Variants in WDR53 observed in about 807,000 individuals in gnomAD.
WDR53 encodes WD repeat domain 53.
WDR53 carries 19 observed loss-of-function variants against 21.3 expected under a neutral mutation model. The observed-to-expected ratio is 0.89, with a 90% CI of 0.62 to 1.31. The LOEUF is 1.31. Among genes scored for constraint, WDR53 ranks in the 50% most tolerant of loss-of-function variants. WDR53 has a pLI of 0.00. For synonymous variants in WDR53, 157 were observed against 163.4 expected, an observed-to-expected ratio of 0.96 and a Z score of 0.30; for missense variants, 374 against 423.2, an observed-to-expected ratio of 0.88 and a Z score of 1.02.
At chr3:196,561,970 T>A (rs1186591117) in intron 2 of WDR53, among the ~76,000 whole-genome samples, 1 of 152,188 alleles carries the variant, frequency 6.6e-6, no homozygotes, top group Non-Finnish European at 1.5e-5. Context: ...AAAATGAGGA[T>A]AATAATGACA....
chr3:196,564,510 C>T (rs1735196501), intron 2 of WDR53, among the ~76,000 whole-genome samples: 1 of 150,962 alleles, frequency 6.6e-6, no homozygotes, highest in Admixed American at 6.6e-5. Flanking sequence ...CAGGCTCTCA[C>T]CACCAAACCC....
At position 196,558,447 on chromosome 3, in the gene WDR53, T is replaced by G. The variant is rs757461554; in HGVS notation, c.480+2549A>C. On this transcript the variant is annotated intron_variant, in intron 3 of 3. Transcript: ENST00000332629. ...GTCTCGAACTCCTGGGCTCAAGTGA[T>G]CTGCCTGCCTTGGCCTCCCAAAGTG... Among the ~76,000 whole-genome samples, 6 of 152,228 alleles carry G rather than the reference T, an allele frequency of 3.9e-5. 1 individual carries two copies. The highest frequency in any genetic ancestry group is 7.3e-5 in the Non-Finnish European group (5 of 68,040).
chr3:196,554,955 T>C lies in WDR53; in HGVS notation c.481-148A>G, dbSNP rs906918280. The C allele has an allele frequency of 4.4e-5, 29 of 653,968 alleles. No individual in the cohort carries two copies. The East Asian group carries it at 7.3e-4, about 16-fold the overall frequency. 40.5% of individuals were successfully genotyped at this position (653,968 alleles called of 1,614,324 possible). A position where few individuals can be genotyped will look rare whatever the true frequency, so the allele number is the denominator to read the frequency against. ...TCAGCAGTATTAAAAAATAATCAAA[T>C]GCTGCCATAACATGCCAGTGGAATG... On this transcript the variant is annotated intron_variant, in intron 3 of 3. Transcript: ENST00000332629.
intron 2 of WDR53, 124 bp from the exon 3 acceptor site, chr3:196,561,615 A>C: frequency 9.8e-7 from 1 of 1,018,810 alleles, no homozygotes; most frequent in Non-Finnish European, 1.3e-6. Flanking sequence ...AAAAAAACTC[A>C]ATTAATTAAA....
chr3:196,567,647 AATG>A (rs113384587), intron 1 of WDR53, among the ~76,000 whole-genome samples: 2,042 of 152,226 alleles, frequency 0.013, 32 homozygotes, highest in African/African-American at 0.047. Flanking sequence ...CCGTGGCTCA[AATG>A]ATGGTTATTA....
intron 2 of WDR53, among the ~76,000 whole-genome samples, chr3:196,564,196 C>T (rs946373868): frequency 3.3e-5 from 5 of 151,812 alleles, no homozygotes; most frequent in African/African-American, 7.3e-5. Context: ...GTAAATATGC[C>T]GTAACGAAGA....
At chr3:196,558,387 G>A (rs965101771) in intron 3 of WDR53, among the ~76,000 whole-genome samples, 2 of 151,360 alleles carry the variant, frequency 1.3e-5, no homozygotes, top group African/African-American at 2.4e-5. Flanking sequence ...TCGTATTTTC[G>A]GTAGAGATAG....
intron 3 of WDR53, 110 bp downstream of exon 3, chr3:196,560,884 GAT>G (rs767151512): frequency 5.3e-6 from 7 of 1,319,762 alleles, no homozygotes; most frequent in African/African-American, 2.9e-5. Flanking sequence ...TTCATAAATG[GAT>G]ATGTTAGTAG....
chr3:196,554,278 C>T lies in WDR53; in HGVS notation c.1010G>A (p.Gly337Glu), dbSNP rs1734104203. Reference protein sequence around the residue: ...VNWLLGTKIKGHQNILVADQT... With the variant: ...VNWLLGTKIKEHQNILVADQT... Reference sequence around the variant, plus strand: ...ATCAGCTACTAATATATTTTGGTGTCCCTTTATTTTTGTACCCAAGAGCCA... The same window carrying T: ...ATCAGCTACTAATATATTTTGGTGTTCCTTTATTTTTGTACCCAAGAGCCA... The change falls in exon 4 of 4, where the codon GGA becomes GAA. Residue 337 changes from glycine to glutamate, a missense_variant. Coordinates refer to ENST00000332629, the MANE Select transcript of WDR53 (RefSeq NM_182627.3). The T allele has an allele frequency of 2.5e-6, 4 of 1,613,766 alleles. No homozygotes were observed. Among genetic ancestry groups the T allele is most frequent in the East Asian group, 4.5e-5 (2 of 44,884 alleles).
chr3:196,565,790 G>GA (rs1735332196), intron 2 of WDR53, among the ~76,000 whole-genome samples: 2 of 152,210 alleles, frequency 1.3e-5, no homozygotes, highest in South Asian at 4.1e-4. Context: ...AGGGTAGTGG[G>GA]AAAAAATGTA....
chr3:196,561,432 C>A lies in WDR53; in HGVS notation c.44G>T (p.Cys15Phe). 6.2e-7 allele frequency: 1 copy of A among 1,614,028 alleles called. No individual in the cohort carries two copies. The highest frequency in any genetic ancestry group is 8.5e-7 in the Non-Finnish European group (1 of 1,180,010). ...WTGGHSSPVL[C>F]LNASKEGLLA... ...CAGCCCTTCTTTACTTGCATTCAGG[C>A]AGAGGACAGGAGAAGAATGCCCACC... Residue 15 changes from cysteine to phenylalanine, a missense_variant, in exon 3 of 4, where the codon TGC (cysteine) becomes TTC (phenylalanine). Coordinates refer to ENST00000332629, the MANE Select transcript of WDR53 (RefSeq NM_182627.3).
chr3:196,556,385 G>A (rs1260801573), intron 3 of WDR53, among the ~76,000 whole-genome samples: 2 of 152,022 alleles, frequency 1.3e-5, no homozygotes, highest in South Asian at 2.1e-4. Context: ...GGCTGGGCAC[G>A]GTGGCTCACA....
chr3:196,561,042 C>T lies in WDR53; in HGVS notation c.434G>A (p.Arg145Gln), dbSNP rs868502354. ...HSNICSSVAF[R>Q]PQRPQSLVSC... ...CACCAGGCTCTGAGGCCTCTGAGGCCGAAAAGCCACTGAGGAGCAGATATT... is the reference window on the plus strand; with the variant it reads ...CACCAGGCTCTGAGGCCTCTGAGGCTGAAAAGCCACTGAGGAGCAGATATT... The change falls in exon 3 of 4, where the codon CGG becomes CAG. Residue 145 changes from arginine to glutamine, a missense_variant. Physicochemically the swap from Arg to Gln is conservative, Grantham distance 43. Coordinates refer to ENST00000332629, the MANE Select transcript of WDR53 (RefSeq NM_182627.3). 1.3e-5 allele frequency: 21 copies of T among 1,614,006 alleles called. No homozygotes were observed. The highest frequency in any genetic ancestry group is 6.6e-5 in the South Asian group (6 of 91,054).
chr3:196,560,265 C>A (rs1278530003), intron 3 of WDR53, among the ~76,000 whole-genome samples: 7 of 143,096 alleles, frequency 4.9e-5, no homozygotes, highest in African/African-American at 1.8e-4. Flanking sequence ...TTTTTTGAGA[C>A]AGAGTCTCAC....
At position 196,556,202 on chromosome 3, in the gene WDR53, C is replaced by T. The variant is rs545686719; in HGVS notation, c.481-1395G>A. Reference sequence around the variant, plus strand: ...ATGGGACTACAGGCGCATGCTACCACACCCAGCTAATTTTTGTATTTTTTT... The same window carrying T: ...ATGGGACTACAGGCGCATGCTACCATACCCAGCTAATTTTTGTATTTTTTT... On this transcript the variant is annotated intron_variant, in intron 3 of 3. Coordinates refer to ENST00000332629, the MANE Select transcript of WDR53 (RefSeq NM_182627.3). 3.9e-5 allele frequency among the ~76,000 whole-genome samples: 6 copies of T among 152,124 alleles called. No individual in the cohort carries two copies. In the South Asian group the frequency reaches 1.0e-3, roughly 26 times the overall value.
chr3:196,554,545 C>T lies in WDR53; in HGVS notation c.743G>A (p.Cys248Tyr), dbSNP rs1239929196. Residue 248 changes from cysteine to tyrosine, a missense_variant, in exon 4 of 4, where the codon TGC becomes TAC. Coordinates refer to ENST00000332629, the MANE Select transcript of WDR53 (RefSeq NM_182627.3). ...KGHTSGVSQV[C>Y]FLPESYLLLT... is the part of the protein sequence containing the mutation. ...CAGCAAATAGGATTCTGGGAGAAAG[C>T]AGACCTGGGATACCCCTGAAGTGTG... The T allele has an allele frequency of 6.2e-7, 1 of 1,614,130 alleles. No homozygotes were observed. The highest frequency in any genetic ancestry group is 1.7e-5 in the Admixed American group (1 of 60,012).
rs370933008 is a variant in WDR53 at position 196,561,118 on chromosome 3, T to C, written c.358A>G (p.Ile120Val). ...ASADDSGAIK[I>V]LDLENKKVIR... is the part of the protein sequence containing the mutation. ...ACTTTCTTGTTTTCCAAGTCTAGGA[T>C]TTTGATTGCCCCAGAGTCGTCAGCA... Residue 120 changes from isoleucine to valine, a missense_variant, in exon 3 of 4, where the codon ATC (isoleucine) becomes GTC (valine). Physicochemically the swap from Ile to Val is conservative, Grantham distance 29. Transcript: ENST00000332629. 5 of 1,614,216 alleles carry C rather than the reference T, an allele frequency of 3.1e-6. No homozygotes were observed. The highest frequency in any genetic ancestry group is 4.2e-6 in the Non-Finnish European group (5 of 1,180,046).
chr3:196,567,617 T>A (rs774762750), intron 1 of WDR53, among the ~76,000 whole-genome samples: 10 of 152,220 alleles, frequency 6.6e-5, no homozygotes, highest in Non-Finnish European at 1.2e-4. Flanking sequence ...AATGACGTAG[T>A]ATACAGTGCC....
chr3:196,565,239 TAAATAACTG>T (rs1735264524), intron 2 of WDR53, among the ~76,000 whole-genome samples: 1 of 143,616 alleles, frequency 7.0e-6, no homozygotes, highest in African/African-American at 2.6e-5. Flanking sequence ...GTCAGAAAAA[TAAATAACTG>T]TTACTGGGAA....
Sources: gnomAD v4.1 joint callset for allele counts (sites outside exome capture counted in the v4.1 genomes callset) on GRCh38, gnomAD v4.1.1 for gene constraint, MANE v1.5 for transcripts, NCBI Gene and HGNC (gene_info 2026-07-23, HGNC 2026-07-21) for gene names.